PCDH15: variants seen among roughly 807,000 people sequenced by gnomAD.
PCDH15 encodes protocadherin related 15, also known as protocadherin-15.
In PCDH15, 129 loss-of-function variants were observed where a neutral mutation model predicts 178.5. The observed-to-expected ratio is 0.72, with a 90% CI of 0.63 to 0.84. The LOEUF (loss-of-function observed/expected upper bound fraction) is 0.84. PCDH15 is among the 40% of genes least tolerant of loss of function. The pLI is 0.00. For synonymous variants in PCDH15, 800 were observed against 732.0 expected (o/e 1.09, Z -1.50); for missense variants, 2,230 against 2,099.9 (o/e 1.06, Z -1.21).
chr10:54,075,106 G>C (rs185681411), intron 17 of PCDH15, among the ~76,000 whole-genome samples: 1 of 152,042 alleles, frequency 6.6e-6, no homozygotes, highest in African/African-American at 2.4e-5. Context: ...GGCTGGGCGT[G>C]GTGGCTCACA....
chr10:53,876,516 A>T (rs566157957), intron 26 of PCDH15, among the ~76,000 whole-genome samples: 5 of 152,198 alleles, frequency 3.3e-5, no homozygotes, highest in South Asian at 4.1e-4. Context: ...CCAGAAAGAA[A>T]TCTTTATTTT....
chr10:54,134,537 C>A (rs7922839), intron 14 of PCDH15, among the ~76,000 whole-genome samples: 46,896 of 151,206 alleles, frequency 0.31, 8,324 homozygotes, highest in African/African-American at 0.48. Context: ...GTGGATCATG[C>A]GGTCAGGAGA....
intron 2 of PCDH15, among the ~76,000 whole-genome samples, chr10:54,911,292 C>A (rs1191223269): frequency 6.6e-6 from 1 of 152,100 alleles, no homozygotes; most frequent in Non-Finnish European, 1.5e-5. Context: ...AAATCTAAAC[C>A]TCCATTAGCC....
At chr10:54,420,514 G>A (rs1340396527) in intron 3 of PCDH15, among the ~76,000 whole-genome samples, 1 of 152,092 alleles carries the variant, frequency 6.6e-6, no homozygotes, top group African/African-American at 2.4e-5. Context: ...ATCTGAATAC[G>A]ATTCATGGAG....
chr10:55,384,495 T>C (rs1208340847), intron 2 of PCDH15, among the ~76,000 whole-genome samples: 1 of 152,146 alleles, frequency 6.6e-6, no homozygotes, highest in Non-Finnish European at 1.5e-5. Flanking sequence ...TAATTGCCAT[T>C]ACAAAATGAA....
chr10:54,002,140 A>C (rs1349208893), intron 20 of PCDH15, among the ~76,000 whole-genome samples: 3 of 151,312 alleles, frequency 2.0e-5, no homozygotes, highest in Admixed American at 6.6e-5. Context: ...GTATATATAT[A>C]TACACATACA....
At chr10:53,861,550 G>A (rs2079108345) in intron 27 of PCDH15, among the ~76,000 whole-genome samples, 2 of 151,902 alleles carry the variant, frequency 1.3e-5, no homozygotes, top group Non-Finnish European at 2.9e-5. Flanking sequence ...AATACAATGT[G>A]AGCCACGAAT....
chr10:55,251,496 ATAAGTATGTGTGTCAATATTTTG>A (rs1841834987), intron 1 of PCDH15, among the ~76,000 whole-genome samples: 1 of 152,188 alleles, frequency 6.6e-6, no homozygotes, highest in African/African-American at 2.4e-5. Flanking sequence ...TTCATTCAGC[ATAAGTATGTGTGTCAATATTTTG>A]TTCCTGTTTA....
At chr10:55,597,397 C>A (rs1842958316) in intron 2 of PCDH15, among the ~76,000 whole-genome samples, 1 of 152,030 alleles carries the variant, frequency 6.6e-6, no homozygotes, top group Non-Finnish European at 1.5e-5. Context: ...GTAAGAGGTA[C>A]CCTTGCCGAC....
intron 9 of PCDH15, among the ~76,000 whole-genome samples, chr10:54,225,378 C>T (rs374694197): frequency 1.3e-5 from 2 of 152,268 alleles, no homozygotes; most frequent in Non-Finnish European, 2.9e-5. Flanking sequence ...TTTCTGACTA[C>T]GTAGATTCAA....
intron 2 of PCDH15, among the ~76,000 whole-genome samples, chr10:55,070,584 G>C (rs1841709309): frequency 6.6e-6 from 1 of 152,160 alleles, no homozygotes; most frequent in Non-Finnish European, 1.5e-5. Context: ...AGATCAGATA[G>C]TTGTAGATAC....
At chr10:54,986,183 A>G (rs1839358669) in intron 2 of PCDH15, among the ~76,000 whole-genome samples, 1 of 152,106 alleles carries the variant, frequency 6.6e-6, no homozygotes, top group African/African-American at 2.4e-5. Flanking sequence ...GAAGGGCATC[A>G]AGGGAAGTGT....
chr10:54,611,296 A>C (rs2092953450), intron 2 of PCDH15, among the ~76,000 whole-genome samples: 1 of 151,760 alleles, frequency 6.6e-6, no homozygotes, highest in Non-Finnish European at 1.5e-5. Flanking sequence ...TTTAAAAAAA[A>C]CCTCCCTGAT....
At chr10:54,329,210 A>G (rs886461848) in intron 7 of PCDH15, among the ~76,000 whole-genome samples, 13 of 151,952 alleles carry the variant, frequency 8.6e-5, no homozygotes, top group African/African-American at 3.1e-4. Flanking sequence ...AAAAATGCAG[A>G]TATTCCACTT....
chr10:54,779,486 A>ATGTATATATATACACACATATATGTG (rs1950107408), intron 1 of PCDH15, among the ~76,000 whole-genome samples: 2 of 13,478 alleles, frequency 1.5e-4, no homozygotes, highest in Non-Finnish European at 5.6e-4. Context: ...ACACATATAT[A>ATGTATATATATACACACATATATGTG]TGTATATATA....
intron 21 of PCDH15, among the ~76,000 whole-genome samples, chr10:53,970,446 C>A (rs1301757254): frequency 6.6e-6 from 1 of 151,882 alleles, no homozygotes; most frequent in African/African-American, 2.4e-5. Flanking sequence ...CAGAGCAGAA[C>A]TGAAGGAGAC....
rs539252365 is a variant in PCDH15 at position 55,158,000 on chromosome 10, C to G, written c.-80+8576G>C. 1.1e-3 allele frequency among the ~76,000 whole-genome samples: 166 copies of G among 151,100 alleles called. 3 individuals carry two copies. The South Asian group carries it at 0.012, about 11-fold the overall frequency. On this transcript the variant is annotated intron_variant, in intron 2 of 5. Transcript: ENST00000458638. ...CATAAATACATAAATATTGTGCAAA[C>G]TATTGGTAAATTTATTATGCTCTAT...
intron 2 of PCDH15, among the ~76,000 whole-genome samples, chr10:54,661,787 C>T (rs2094496869): frequency 6.6e-6 from 1 of 151,706 alleles, no homozygotes; most frequent in Non-Finnish European, 1.5e-5. Flanking sequence ...ACAAAGCTGA[C>T]AAAATTAAAC....
intron 3 of PCDH15, among the ~76,000 whole-genome samples, chr10:54,466,208 T>C (rs531096272): frequency 6.6e-6 from 1 of 151,954 alleles, no homozygotes. Context: ...TTTTTCTGTT[T>C]TTGTTGCTTG....
Sources: allele counts gnomAD v4.1 joint callset (sites outside exome capture counted in the v4.1 genomes callset), GRCh38; gene constraint gnomAD v4.1.1; transcripts MANE v1.5; gene names NCBI Gene and HGNC (gene_info 2026-07-23, HGNC 2026-07-21).